PLEKHM2: variants seen among roughly 807,000 people sequenced by gnomAD.
PLEKHM2 encodes the protein pleckstrin homology and RUN domain containing M2.
A neutral mutation model predicts 116.3 loss-of-function variants in PLEKHM2; 77 were observed. That is an observed-to-expected ratio of 0.66 (90% CI 0.55 to 0.80). The LOEUF (loss-of-function observed/expected upper bound fraction) is 0.80. Among genes scored for constraint, PLEKHM2 ranks in the 30% least tolerant of loss-of-function variants. PLEKHM2 has a pLI of 0.00. For synonymous variants in PLEKHM2, 562 were observed against 571.0 expected (o/e 0.98, Z 0.22); for missense variants, 1,183 against 1,354.9 (o/e 0.87, Z 1.99).
chr1:15,686,655 T>C (rs1027291317), intron 1 of PLEKHM2, among the ~76,000 whole-genome samples: 2 of 149,566 alleles, frequency 1.3e-5, no homozygotes, highest in Admixed American at 6.6e-5. Flanking sequence ...TAAATTTTTT[T>C]TTTTTTTTTT....
At chr1:15,702,998 G>A (rs1300930220) in intron 1 of PLEKHM2, among the ~76,000 whole-genome samples, 1 of 152,202 alleles carries the variant, frequency 6.6e-6, no homozygotes, top group East Asian at 1.9e-4. Context: ...CCAAAGTGCT[G>A]GAATTACAGG....
At chr1:15,714,195 T>G (rs151157687) in intron 1 of PLEKHM2, among the ~76,000 whole-genome samples, 2,326 of 151,998 alleles carry the variant, frequency 0.015, 43 homozygotes, top group Non-Finnish European at 0.022. Flanking sequence ...CCGCCTTGGC[T>G]TCCCGAAGTG....
chr1:15,721,405 T>C lies in PLEKHM2; in HGVS notation c.712+17T>C, dbSNP rs1419226224. On this transcript the variant is annotated intron_variant, in intron 7 of 19. Transcript: ENST00000375799. This position sits in a 1 kb window ranked among gnomAD's most constrained non-coding sequence, Gnocchi z 5.1. The stretch of plus-strand genomic sequence containing the variant: ...ACTGGGAAGGTGGGCCAGAGTCCGC[T>C]GTTACCCTCTTTTCCTGTTTTGCAA... 1.3e-6 allele frequency: 2 copies of C among 1,522,530 alleles called. No homozygotes were observed. The highest frequency in any genetic ancestry group is 1.8e-6 in the Non-Finnish European group (2 of 1,116,382). The allele number at this position is 1,522,530 out of a possible 1,614,324, so 94.3% of individuals were successfully genotyped here.
At chr1:15,730,255 A>G (rs2068121595) in intron 14 of PLEKHM2, among the ~76,000 whole-genome samples, 1 of 152,228 alleles carries the variant, frequency 6.6e-6, no homozygotes, top group Non-Finnish European at 1.5e-5. Flanking sequence ...CGCCTCGCCA[A>G]CATGGCAAAA....
At chr1:15,700,478 C>T (rs752756567) in intron 1 of PLEKHM2, among the ~76,000 whole-genome samples, 5 of 152,226 alleles carry the variant, frequency 3.3e-5, no homozygotes, top group East Asian at 1.9e-4. Flanking sequence ...CCCTGGGCTC[C>T]GGTCTCCCTG....
chr1:15,720,479 A>C, intron 6 of PLEKHM2: 1 of 985,250 alleles, frequency 1.0e-6, no homozygotes, highest in Non-Finnish European at 1.2e-6. Context: ...ACCGAGGAAG[A>C]AGCTGCAGGT....
chr1:15,728,563 G>A lies in PLEKHM2; in HGVS notation c.1922-106G>A. The A allele has an allele frequency of 9.1e-7, 1 of 1,103,960 alleles. No individual in the cohort carries two copies. Among genetic ancestry groups the A allele is most frequent in the Non-Finnish European group, 1.3e-6 (1 of 744,068 alleles). 68.4% of individuals were successfully genotyped at this position (1,103,960 alleles called of 1,614,324 possible). ...ACTCCACGCCATTCTCCTACTGCAG[G>A]GCAAGGAGAGGCCCTCTAAGAGAGG... is the stretch of plus-strand genomic sequence containing the variant. On this transcript the variant is annotated intron_variant, in intron 11 of 19. Transcript: ENST00000375799. This position sits in a 1 kb window ranked among gnomAD's most constrained non-coding sequence, Gnocchi z 5.9.
chr1:15,730,390 G>T, intron 14 of PLEKHM2, 142 bp from the exon 15 acceptor site: 1 of 617,714 alleles, frequency 1.6e-6, no homozygotes, highest in Non-Finnish European at 2.7e-6. Context: ...TGCAGTGAGT[G>T]GAGATCACAC....
intron 1 of PLEKHM2, among the ~76,000 whole-genome samples, chr1:15,700,173 T>C (rs1436125416): frequency 6.6e-6 from 1 of 152,170 alleles, no homozygotes; most frequent in Non-Finnish European, 1.5e-5. Flanking sequence ...GCCCCATCGC[T>C]GAAGCCCTGG....
intron 1 of PLEKHM2, among the ~76,000 whole-genome samples, chr1:15,710,264 A>C (rs909637616): frequency 3.3e-5 from 5 of 151,980 alleles, no homozygotes; most frequent in Admixed American, 6.6e-5. Context: ...CAAATCCAGA[A>C]GAAAATTGTA....
At chr1:15,697,797 AT>A (rs914128579) in intron 1 of PLEKHM2, among the ~76,000 whole-genome samples, 63 of 146,472 alleles carry the variant, frequency 4.3e-4, no homozygotes, top group Admixed American at 5.5e-4. Flanking sequence ...TGCCCAGCTA[AT>A]TTTTTTTTTT....
In PLEKHM2 at chr1:15,732,726, C is replaced by A. The variant is rs756525436; in HGVS notation, c.2920C>A (p.Gln974Lys). The change falls in exon 19 of 20, where the codon CAG (glutamine) becomes AAG (lysine). Residue 974 changes from glutamine to lysine, a missense_variant and splice_region_variant. Transcript: ENST00000375799. ...ALNSGWKTIY[Q>K]VDLPHTAIQE... ...GAACTCTGGGTGGAAAACCATCTAT[C>A]AGGTACCCAGCTGCCCAGGAAACCC... 12 of 1,594,870 alleles carry A rather than the reference C, an allele frequency of 7.5e-6. No individual in the cohort carries two copies. The highest frequency in any genetic ancestry group is 3.4e-5 in the Admixed American group (2 of 58,476).
Position 15,727,380 on chromosome 1 carries a change from C to T in PLEKHM2, c.1308C>T (p.Ser436=). 6.2e-7 allele frequency: 1 copy of T among 1,602,564 alleles called. No individual in the cohort carries two copies. Among genetic ancestry groups the T allele is most frequent in the Non-Finnish European group, 8.5e-7 (1 of 1,175,308 alleles). ...CCCGTGCTGAGCCCCCAGACCAGTC[C>T]TTTCGGACCGGCTCTCCCGGGGATG... ...WCSRAEPPDQ[S]FRTGSPGDAP... is the part of the protein sequence containing the mutation. Residue 436 remains serine, a synonymous_variant, in exon 9 of 20, where the codon TCC becomes TCT. Coordinates refer to ENST00000375799, the MANE Select transcript of PLEKHM2 (RefSeq NM_015164.4). The surrounding 1 kb of genome is among the most constrained non-coding windows in gnomAD (Gnocchi z 7.5).
intron 1 of PLEKHM2, among the ~76,000 whole-genome samples, chr1:15,709,233 G>C (rs1641281099): frequency 6.6e-6 from 1 of 152,166 alleles, no homozygotes; most frequent in African/African-American, 2.4e-5. Flanking sequence ...GAGTAATTTG[G>C]CATAAAAGAT....
chr1:15,685,540 T>TGAAAAAAAAAAAAAAAAAAA (rs1553157082), intron 1 of PLEKHM2, among the ~76,000 whole-genome samples: 1 of 36,486 alleles, frequency 2.7e-5, no homozygotes, highest in Non-Finnish European at 5.6e-5. Flanking sequence ...TCTCAGAAAC[T>TGAAAAAAAAAAAAAAAAAAA]GAAAAAAAAA....
chr1:15,721,260 T>TCCCC lies in PLEKHM2; in HGVS notation c.653-68_653-65dup. On this transcript the variant is annotated intron_variant, in intron 6 of 19. Transcript: ENST00000375799. The surrounding 1 kb of genome is among the most constrained non-coding windows in gnomAD (Gnocchi z 5.1). ...CCCATGTCTCCCACCCCATTTCCCCTCCCCTCCCTCCAGTCATCCTTCCAC... is the reference window on the plus strand; with the variant it reads ...CCCATGTCTCCCACCCCATTTCCCCTCCCCCCCCTCCCTCCAGTCATCCTTCCAC... 3.6e-6 allele frequency: 2 copies of TCCCC among 548,726 alleles called. No individual in the cohort carries two copies. The highest frequency in any genetic ancestry group is 3.5e-6 in the Non-Finnish European group (1 of 286,820). The allele number at this position is 548,726 out of a possible 1,614,324, so 34.0% of individuals were successfully genotyped here. A position where few individuals can be genotyped will look rare whatever the true frequency, so the allele number is the denominator to read the frequency against.
Position 15,716,230 on chromosome 1 carries a change from C to A in PLEKHM2, c.61-7C>A. 1.6e-6 allele frequency: 2 copies of A among 1,254,236 alleles called. No homozygotes were observed. The highest frequency in any genetic ancestry group is 2.1e-6 in the Non-Finnish European group (2 of 932,974). 77.7% of individuals were successfully genotyped at this position (1,254,236 alleles called of 1,614,324 possible). On this transcript the variant is annotated splice_region_variant and splice_polypyrimidine_tract_variant and intron_variant, in intron 1 of 19. Transcript: ENST00000375799. ...TTCTGATTTGGAGGTGTTTTTTTTT[C>A]TTTCAGTTGCAGAGCTATTTTGCTG...
rs2068112407 is a variant in PLEKHM2 at position 15,729,705 on chromosome 1, A to AC, written c.2076-88dup. 2.5e-6 allele frequency: 3 copies of AC among 1,183,688 alleles called. No individual in the cohort carries two copies. The highest frequency in any genetic ancestry group is 3.6e-6 in the Non-Finnish European group (3 of 841,552). The allele number at this position is 1,183,688 out of a possible 1,614,324, so 73.3% of individuals were successfully genotyped here. A position where few individuals can be genotyped will look rare whatever the true frequency, so the allele number is the denominator to read the frequency against. ...CAGGTCTCTCCCCCAAGTTTCTGTG[A>AC]CCCCTCCAGGCCAGCAGCGCTCAAG... On this transcript the variant is annotated intron_variant, in intron 13 of 19. Transcript: ENST00000375799. This position sits in a 1 kb window ranked among gnomAD's most constrained non-coding sequence, Gnocchi z 4.7.
rs544030071 is a variant in PLEKHM2, at chr1:15,717,522, AAG to A, written c.278-368_278-367del. 3.8e-3 allele frequency among the ~76,000 whole-genome samples: 586 copies of A among 152,288 alleles called. 10 individuals are homozygous for A. Among genetic ancestry groups the A allele is most frequent in the African/African-American group, 0.013 (554 of 41,550 alleles). On this transcript the variant is annotated intron_variant, in intron 3 of 19. Coordinates refer to ENST00000375799, the MANE Select transcript of PLEKHM2 (RefSeq NM_015164.4). ...TTTTGGCACAGCAGTGATGGGGAGA[AAG>A]AGGGCGAGCTGCCAGCGAGAGCTGG...
Sources: allele counts gnomAD v4.1 joint callset (sites outside exome capture counted in the v4.1 genomes callset), GRCh38; gene constraint gnomAD v4.1.1; non-coding constraint Gnocchi (gnomAD v3.1); transcripts MANE v1.5; gene names NCBI Gene and HGNC (gene_info 2026-07-23, HGNC 2026-07-21).